FCHSD2: variants seen among roughly 807,000 people sequenced by gnomAD.
FCHSD2 encodes FCH and double SH3 domains 2.
In FCHSD2, 38 loss-of-function variants were observed where a neutral mutation model predicts 108.1. That is an observed-to-expected ratio of 0.35 (90% CI 0.27 to 0.46). The LOEUF (loss-of-function observed/expected upper bound fraction) is 0.46, where lower values mean the gene tolerates loss of function less well. Among genes scored for constraint, FCHSD2 ranks in the 20% least tolerant of loss-of-function variants. The probability of loss-of-function intolerance (pLI) is 1.00; values close to 1 mark genes in which losing one functional copy is unlikely to be tolerated. For missense variants in FCHSD2, 751 were observed against 897.8 expected, an observed-to-expected ratio of 0.84 and a Z score of 2.09; for synonymous variants, 279 against 314.7, an observed-to-expected ratio of 0.89 and a Z score of 1.20.
rs900964091 is a variant in FCHSD2, at chr11:73,127,950, A to G, written c.119+12081T>C. Among the ~76,000 whole-genome samples the G allele has an allele frequency of 2.7e-5, 4 of 150,740 alleles. 1 individual carries two copies. The highest frequency in any genetic ancestry group is 1.9e-4 in the East Asian group (1 of 5,136). ...GTCTCTACTAAAAATACAAAAAATT[A>G]GCCAGGCGTTGTGAGATCACACCAC... is the stretch of plus-strand genomic sequence containing the variant. On this transcript the variant is annotated intron_variant, in intron 2 of 19. Transcript: ENST00000409418.
intron 4 of FCHSD2, among the ~76,000 whole-genome samples, chr11:73,002,862 A>AAATATTTT (rs1857654513): frequency 6.6e-6 from 1 of 152,206 alleles, no homozygotes; most frequent in Non-Finnish European, 1.5e-5. Context: ...TTTTAATTAT[A>AAATATTTT]AATATTTTAA....
At chr11:73,111,342 T>C (rs982493238) in intron 2 of FCHSD2, among the ~76,000 whole-genome samples, 13 of 152,328 alleles carry the variant, frequency 8.5e-5, no homozygotes, top group African/African-American at 2.2e-4. Context: ...TCTTGCTAAA[T>C]TGACCTCTTT....
Position 72,849,832 on chromosome 11 carries a change from A to C in FCHSD2, c.1366T>G (p.Phe456Val). The change falls in exon 14 of 20, where the codon TTC becomes GTC. Residue 456 changes from phenylalanine to valine, a missense_variant. Physicochemically the swap from Phe to Val is conservative, Grantham distance 50. Transcript: ENST00000409418. ...GEEFEDNMDV[F>V]DDSSSSPSGT... ...GAAGGGCTGGAACTGCTGTCATCGA[A>C]AACATCCATGTTATCTTCAAACTCT... is the stretch of plus-strand genomic sequence containing the variant. 6.2e-7 allele frequency: 1 copy of C among 1,612,966 alleles called. No homozygotes were observed. The highest frequency in any genetic ancestry group is 8.5e-7 in the Non-Finnish European group (1 of 1,178,956).
chr11:72,869,171 T>G (rs900857098), intron 12 of FCHSD2, among the ~76,000 whole-genome samples: 1 of 152,284 alleles, frequency 6.6e-6, no homozygotes, highest in East Asian at 1.9e-4. Flanking sequence ...CCTCCCAAAG[T>G]GCTGGGATTA....
At chr11:73,077,641 T>TA (rs1317888315) in intron 3 of FCHSD2, 12 of 436,886 alleles carry the variant, frequency 2.7e-5, no homozygotes, top group African/African-American at 2.5e-4. Context: ...GGAAAATGGA[T>TA]AAACTGTGGT....
intron 2 of FCHSD2, among the ~76,000 whole-genome samples, chr11:73,117,378 T>G (rs1860628940): frequency 6.6e-6 from 1 of 152,214 alleles, no homozygotes; most frequent in South Asian, 2.1e-4. Flanking sequence ...GCATGATTTA[T>G]ATTTTATTAT....
At chr11:72,945,806 C>A (rs1856507494) in intron 8 of FCHSD2, among the ~76,000 whole-genome samples, 1 of 152,200 alleles carries the variant, frequency 6.6e-6, no homozygotes, top group African/African-American at 2.4e-5. Context: ...TGCTCATCAT[C>A]AATGGACATC....
At chr11:72,869,644 T>G (rs1228389814) in intron 12 of FCHSD2, 2 of 152,250 alleles carry the variant, frequency 1.3e-5, no homozygotes, top group African/African-American at 4.8e-5. Context: ...GATGCTGAAG[T>G]GAGCACATAC....
At chr11:73,055,008 G>T (rs114673292) in intron 3 of FCHSD2, among the ~76,000 whole-genome samples, 10 of 152,152 alleles carry the variant, frequency 6.6e-5, no homozygotes. Context: ...GTGGTTCCAC[G>T]TGGCTGGGGA....
intron 4 of FCHSD2, among the ~76,000 whole-genome samples, chr11:73,001,846 C>G (rs1243150540): frequency 2.0e-5 from 3 of 152,170 alleles, no homozygotes; most frequent in Admixed American, 2.0e-4. Flanking sequence ...TAAATGTGCT[C>G]AGCAATCTCA....
rs147816704 is a variant in FCHSD2 at position 73,015,497 on chromosome 11, G to A, written c.242+312C>T. 7.6e-3 allele frequency among the ~76,000 whole-genome samples: 1,152 copies of A among 152,058 alleles called. 3 individuals are homozygous for A. Among genetic ancestry groups the A allele is most frequent in the Non-Finnish European group, 0.012 (796 of 67,976 alleles). On this transcript the variant is annotated intron_variant, in intron 4 of 19. Coordinates refer to ENST00000409418, the MANE Select transcript of FCHSD2 (RefSeq NM_014824.3). ...GTCACAATAATGTGTTTCATCATAG[G>A]TCACTCAGCAATTTGTGTTCCATTG... is the stretch of plus-strand genomic sequence containing the variant.
intron 12 of FCHSD2, among the ~76,000 whole-genome samples, chr11:72,876,401 C>G (rs1384619918): frequency 6.6e-6 from 1 of 152,108 alleles, no homozygotes; most frequent in East Asian, 1.9e-4. Flanking sequence ...GTTATTTTTG[C>G]CATAAAGTTT....
chr11:73,081,127 C>G (rs182916806), intron 3 of FCHSD2, among the ~76,000 whole-genome samples: 5 of 152,110 alleles, frequency 3.3e-5, no homozygotes, highest in Non-Finnish European at 7.4e-5. Context: ...TAAACATGTC[C>G]TATTTACTTG....
intron 3 of FCHSD2, among the ~76,000 whole-genome samples, chr11:73,040,768 A>G (rs774448579): frequency 3.9e-5 from 6 of 152,230 alleles, no homozygotes; most frequent in African/African-American, 1.4e-4. Context: ...TTTGAAAGAC[A>G]TATTGTTGTT....
intron 12 of FCHSD2, among the ~76,000 whole-genome samples, chr11:72,881,423 T>C (rs1172135604): frequency 1.3e-5 from 2 of 152,214 alleles, no homozygotes; most frequent in African/African-American, 4.8e-5. Flanking sequence ...AAGGGAACTG[T>C]TATACACTGT....
In FCHSD2 at chr11:72,940,618, C is replaced by G. The variant is rs1008381123; in HGVS notation, c.706-18668G>C. On this transcript the variant is annotated intron_variant, in intron 8 of 19. Coordinates refer to ENST00000409418, the MANE Select transcript of FCHSD2 (RefSeq NM_014824.3). Reference sequence around the variant, plus strand: ...GCTCTCTGCTCTCCACAGGGCTCCCCGCCCCACCCAGCCTGATAAAGCGCG... The same window carrying G: ...GCTCTCTGCTCTCCACAGGGCTCCCGGCCCCACCCAGCCTGATAAAGCGCG... 4 of 1,444,904 alleles carry G rather than the reference C, an allele frequency of 2.8e-6. No individual in the cohort carries two copies. In the South Asian group the frequency reaches 4.6e-5, roughly 16 times the overall value. The allele number at this position is 1,444,904 out of a possible 1,614,324, so 89.5% of individuals were successfully genotyped here.
chr11:73,051,905 ACACACACACACCC>A (rs1259182364), intron 3 of FCHSD2, among the ~76,000 whole-genome samples: 1 of 141,662 alleles, frequency 7.1e-6, no homozygotes, highest in African/African-American at 2.6e-5. Context: ...ACACACACAC[ACACACACACACCC>A]CACACACACT....
chr11:73,099,922 C>A (rs1411708739), intron 2 of FCHSD2, among the ~76,000 whole-genome samples: 2 of 152,222 alleles, frequency 1.3e-5, no homozygotes, highest in Non-Finnish European at 2.9e-5. Context: ...GTCCCTATCC[C>A]CCACTAATGA....
chr11:72,915,910 T>G (rs1340244685), intron 9 of FCHSD2, among the ~76,000 whole-genome samples: 1 of 152,206 alleles, frequency 6.6e-6, no homozygotes, highest in African/African-American at 2.4e-5. Flanking sequence ...GATCGTGTCC[T>G]TTGCAGGAAC....
Sources: gnomAD v4.1 joint callset for allele counts (sites outside exome capture counted in the v4.1 genomes callset) on GRCh38, gnomAD v4.1.1 for gene constraint, MANE v1.5 for transcripts, NCBI Gene and HGNC (gene_info 2026-07-23, HGNC 2026-07-21) for gene names.